The following GRID1 variants were observed in gnomAD, a reference collection of about 807,000 sequenced individuals.
The protein encoded by GRID1 is glutamate ionotropic receptor delta type subunit 1.
GRID1 carries 28 observed loss-of-function variants against 98.0 expected under a neutral mutation model. That is an observed-to-expected ratio of 0.29 (90% CI 0.21 to 0.39). The LOEUF (loss-of-function observed/expected upper bound fraction) is 0.39, where lower values mean the gene tolerates loss of function less well. Among genes scored for constraint, GRID1 ranks in the 10% least tolerant of loss-of-function variants. The pLI is 1.00. For synonymous variants in GRID1, 553 were observed against 538.5 expected, an observed-to-expected ratio of 1.03 and a Z score of -0.37; for missense variants, 1,111 against 1,340.5, an observed-to-expected ratio of 0.83 and a Z score of 2.67.
At chr10:85,785,006 G>C (rs1265701402) in intron 8 of GRID1, among the ~76,000 whole-genome samples, 2 of 152,152 alleles carry the variant, frequency 1.3e-5, no homozygotes, top group Non-Finnish European at 2.9e-5. Context: ...AATTGCAGAG[G>C]AGATCCCCGA....
At chr10:85,681,843 C>T (rs75531542) in intron 12 of GRID1, among the ~76,000 whole-genome samples, 10,106 of 152,146 alleles carry the variant, frequency 0.066, 403 homozygotes, top group Middle Eastern at 0.099. Context: ...ACATGCTCAG[C>T]GCAGTGTCTG....
At chr10:85,761,477 C>G (rs1842146365) in intron 8 of GRID1, among the ~76,000 whole-genome samples, 1 of 152,168 alleles carries the variant, frequency 6.6e-6, no homozygotes, top group Non-Finnish European at 1.5e-5. Flanking sequence ...AAGCCAAGGA[C>G]AAGGTCACTG....
intron 5 of GRID1, among the ~76,000 whole-genome samples, chr10:85,892,946 T>C (rs1177419742): frequency 1.3e-5 from 2 of 152,096 alleles, no homozygotes; most frequent in South Asian, 2.1e-4. Flanking sequence ...TGGGCATAGA[T>C]ACAAAATTTA....
chr10:86,000,182 G>A (rs1226888262), intron 4 of GRID1, among the ~76,000 whole-genome samples: 2 of 152,150 alleles, frequency 1.3e-5, no homozygotes, highest in African/African-American at 4.8e-5. Context: ...TACTAGCAAT[G>A]TAGAATTGGA....
intron 3 of GRID1, among the ~76,000 whole-genome samples, chr10:86,201,446 C>T (rs994916472): frequency 3.3e-5 from 5 of 152,132 alleles, no homozygotes; most frequent in African/African-American, 1.2e-4. Flanking sequence ...CCAAATATAG[C>T]ATGTTCTCAC....
chr10:86,047,055 C>G (rs1381814861), intron 4 of GRID1, among the ~76,000 whole-genome samples: 1 of 152,172 alleles, frequency 6.6e-6, no homozygotes, highest in African/African-American at 2.4e-5. Flanking sequence ...CTCTGAGCAT[C>G]AGAACAAATG....
chr10:86,041,529 T>C (rs1843345057), intron 4 of GRID1, among the ~76,000 whole-genome samples: 1 of 152,088 alleles, frequency 6.6e-6, no homozygotes, highest in African/African-American at 2.4e-5. Context: ...CTTTCCATAG[T>C]GGGGCCAGTC....
intron 4 of GRID1, among the ~76,000 whole-genome samples, chr10:86,046,219 C>T (rs796210519): frequency 1.1e-4 from 16 of 152,300 alleles, no homozygotes; most frequent in African/African-American, 3.9e-4. Flanking sequence ...TAAACCGCCC[C>T]CGAACCTACA....
intron 4 of GRID1, among the ~76,000 whole-genome samples, chr10:85,920,403 G>C (rs530614309): frequency 6.6e-6 from 1 of 152,120 alleles, no homozygotes; most frequent in Admixed American, 6.5e-5. Flanking sequence ...GCCTGCTCTT[G>C]ATTCGATGGT....
At chr10:86,047,954 C>T (rs528273623) in intron 4 of GRID1, among the ~76,000 whole-genome samples, 2 of 152,128 alleles carry the variant, frequency 1.3e-5, no homozygotes, top group Admixed American at 6.5e-5. Context: ...AGGAAAATAA[C>T]GGTTGTTTTG....
At chr10:85,857,641 G>T (rs1843125434) in intron 6 of GRID1, among the ~76,000 whole-genome samples, 1 of 152,302 alleles carries the variant, frequency 6.6e-6, no homozygotes, top group East Asian at 1.9e-4. Flanking sequence ...ACAACCCTCA[G>T]CCAAAGTGGG....
intron 12 of GRID1, among the ~76,000 whole-genome samples, chr10:85,696,884 C>T: frequency 6.6e-6 from 1 of 151,860 alleles, no homozygotes; most frequent in East Asian, 1.9e-4. Flanking sequence ...TTAGCTAATA[C>T]TTCAGTAATA....
chr10:86,261,915 G>A (rs867991271), intron 2 of GRID1, among the ~76,000 whole-genome samples: 15 of 152,350 alleles, frequency 9.8e-5, no homozygotes, highest in Middle Eastern at 3.4e-3. Context: ...ATTTGTTACA[G>A]GACATTGGGG....
chr10:86,264,052 T>C (rs937201313), intron 2 of GRID1, among the ~76,000 whole-genome samples: 12 of 152,184 alleles, frequency 7.9e-5, no homozygotes, highest in African/African-American at 2.9e-4. Flanking sequence ...AGGTGTTTTA[T>C]TGGCAGCATG....
intron 4 of GRID1, among the ~76,000 whole-genome samples, chr10:86,088,499 G>C (rs1844097191): frequency 6.6e-6 from 1 of 152,204 alleles, no homozygotes; most frequent in Non-Finnish European, 1.5e-5. Flanking sequence ...AAGAACAGCT[G>C]TCACGTCCCA....
At position 85,831,128 on chromosome 10, in the gene GRID1, TA is replaced by T. The variant is rs139587452; in HGVS notation, c.1233+23367del. On this transcript the variant is annotated intron_variant, in intron 8 of 15. Coordinates refer to ENST00000327946, the MANE Select transcript of GRID1 (RefSeq NM_017551.3). The stretch of plus-strand genomic sequence containing the variant: ...TACACCATGGAATACTATGTAGCTA[TA>T]AAAAAAAAATGAGATCATGTCCTTT... Among the ~76,000 whole-genome samples the T allele has an allele frequency of 4.9e-3, 737 of 149,992 alleles. 4 individuals carry two copies. Among genetic ancestry groups the T allele is most frequent in the Non-Finnish European group, 6.5e-3 (437 of 67,152 alleles).
intron 2 of GRID1, among the ~76,000 whole-genome samples, chr10:86,225,903 C>G (rs535702575): frequency 1.3e-5 from 2 of 152,270 alleles, no homozygotes; most frequent in Admixed American, 6.5e-5. Context: ...CGTGTGTGAG[C>G]ATCAGGTCAC....
intron 4 of GRID1, among the ~76,000 whole-genome samples, chr10:85,995,257 A>C (rs1303095813): frequency 6.6e-6 from 1 of 152,202 alleles, no homozygotes; most frequent in Non-Finnish European, 1.5e-5. Flanking sequence ...CCTATCAGCA[A>C]TCCTGTATTT....
chr10:85,680,361 C>A (rs1276078993), intron 12 of GRID1, among the ~76,000 whole-genome samples: 1 of 152,196 alleles, frequency 6.6e-6, no homozygotes, highest in African/African-American at 2.4e-5. Flanking sequence ...GCTTCCTTCT[C>A]CAGCCTATTC....
Sources: gnomAD v4.1 joint callset for allele counts (sites outside exome capture counted in the v4.1 genomes callset) on GRCh38, gnomAD v4.1.1 for gene constraint, MANE v1.5 for transcripts, NCBI Gene and HGNC (gene_info 2026-07-23, HGNC 2026-07-21) for gene names.